Variants in KCNH7 observed in about 807,000 individuals in gnomAD.
The protein encoded by KCNH7 is voltage-gated inwardly rectifying potassium channel KCNH7.
A neutral mutation model predicts 120.8 loss-of-function variants in KCNH7; 49 were observed. That is an observed-to-expected ratio of 0.41 (90% CI 0.32 to 0.51). KCNH7 has a LOEUF of 0.51. KCNH7 is among the 20% of genes least tolerant of loss of function. The pLI is 0.38. For synonymous variants in KCNH7, 547 were observed against 516.1 expected (o/e 1.06, Z -0.81); for missense variants, 1,097 against 1,446.6 (o/e 0.76, Z 3.92).
At chr2:162,745,352 C>G (rs535152669) in intron 2 of KCNH7, among the ~76,000 whole-genome samples, 1 of 152,154 alleles carries the variant, frequency 6.6e-6, no homozygotes, top group South Asian at 2.1e-4. Context: ...ATAACGGCAG[C>G]TTGACAAAAT....
chr2:162,476,899 A>G lies in KCNH7; in HGVS notation c.1128+27544T>C, dbSNP rs150993430. Among the ~76,000 whole-genome samples the G allele has an allele frequency of 6.9e-3, 1,044 of 152,326 alleles. 15 individuals carry two copies. The highest frequency in any genetic ancestry group is 0.024 in the African/African-American group (1,002 of 41,574). On this transcript the variant is annotated intron_variant, in intron 6 of 15. Transcript: ENST00000332142. ...GCACATTATTAAGTCTCATATTTGC[A>G]ATACAAGCTTTTATATAATAACAAT...
At chr2:162,754,492 A>T (rs1357622916) in intron 2 of KCNH7, among the ~76,000 whole-genome samples, 1 of 152,180 alleles carries the variant, frequency 6.6e-6, no homozygotes, top group Non-Finnish European at 1.5e-5. Flanking sequence ...AGTTTTCAAC[A>T]GGAAGAGAGA....
chr2:162,454,040 C>T (rs1688871367), intron 6 of KCNH7, among the ~76,000 whole-genome samples: 1 of 152,104 alleles, frequency 6.6e-6, no homozygotes, highest in African/African-American at 2.4e-5. Context: ...AAGCCTATGT[C>T]CTAAATGGTA....
intron 2 of KCNH7, among the ~76,000 whole-genome samples, chr2:162,815,825 A>T (rs986389126): frequency 2.0e-5 from 3 of 152,242 alleles, no homozygotes; most frequent in Non-Finnish European, 4.4e-5. Flanking sequence ...GTCTTCCAAC[A>T]AAGTTCTGAC....
At chr2:162,770,096 T>C (rs1682987742) in intron 2 of KCNH7, among the ~76,000 whole-genome samples, 1 of 152,030 alleles carries the variant, frequency 6.6e-6, no homozygotes, top group Non-Finnish European at 1.5e-5. Flanking sequence ...ACTGCAGCTA[T>C]TCACAGATGC....
intron 7 of KCNH7, among the ~76,000 whole-genome samples, chr2:162,441,858 G>C (rs922616083): frequency 3.3e-5 from 5 of 151,950 alleles, no homozygotes; most frequent in African/African-American, 1.2e-4. Flanking sequence ...ATTATCATCA[G>C]GGAGATATTA....
rs561729723 is a variant in KCNH7, at chr2:162,812,523, T to C, written c.307+24014A>G. Among the ~76,000 whole-genome samples, 15 of 152,114 alleles carry C rather than the reference T, an allele frequency of 9.9e-5. 1 individual carries two copies. In the South Asian group the frequency reaches 3.1e-3, roughly 32 times the overall value. On this transcript the variant is annotated intron_variant, in intron 2 of 15. Transcript: ENST00000332142. ...GGCAAGGAATAAATTAGAAAGGACATGAAGCCCCTGATCCTATATGCCAAG... is the reference window on the plus strand; with the variant it reads ...GGCAAGGAATAAATTAGAAAGGACACGAAGCCCCTGATCCTATATGCCAAG...
intron 2 of KCNH7, among the ~76,000 whole-genome samples, chr2:162,644,132 G>A (rs932527916): frequency 1.3e-5 from 2 of 151,938 alleles, no homozygotes; most frequent in African/African-American, 2.4e-5. Flanking sequence ...AGTCCTTTGG[G>A]CAAATTCAGA....
intron 2 of KCNH7, among the ~76,000 whole-genome samples, chr2:162,669,308 T>G (rs1258100982): frequency 1.3e-5 from 2 of 152,138 alleles, no homozygotes; most frequent in East Asian, 3.9e-4. Flanking sequence ...ATGATGTAAC[T>G]TAGATACATC....
At chr2:162,791,150 T>C (rs1370846056) in intron 2 of KCNH7, among the ~76,000 whole-genome samples, 1 of 152,094 alleles carries the variant, frequency 6.6e-6, no homozygotes, top group East Asian at 1.9e-4. Flanking sequence ...CAAAAATCAG[T>C]TGCATTTCAA....
At chr2:162,607,630 T>C (rs1042071101) in intron 2 of KCNH7, among the ~76,000 whole-genome samples, 8 of 152,154 alleles carry the variant, frequency 5.3e-5, no homozygotes, top group Non-Finnish European at 1.2e-4. Flanking sequence ...TACCTAGTGT[T>C]TCATTTGTAT....
intron 2 of KCNH7, among the ~76,000 whole-genome samples, chr2:162,756,512 G>A (rs1688794352): frequency 6.6e-6 from 1 of 152,064 alleles, no homozygotes; most frequent in African/African-American, 2.4e-5. Flanking sequence ...TGTCACCCAG[G>A]TTGCAGTGCA....
At chr2:162,784,654 T>G (rs1683634166) in intron 2 of KCNH7, 1 of 152,116 alleles carries the variant, frequency 6.6e-6, no homozygotes, top group Non-Finnish European at 1.5e-5. Flanking sequence ...CCTGCAAACT[T>G]GGCAAATTTG....
At chr2:162,458,787 G>A (rs1029248707) in intron 6 of KCNH7, among the ~76,000 whole-genome samples, 10 of 152,006 alleles carry the variant, frequency 6.6e-5, no homozygotes, top group East Asian at 1.9e-4. Context: ...GGACGTCTTC[G>A]GCAGGCAGTT....
chr2:162,416,694 A>G (rs1181737639), intron 9 of KCNH7, among the ~76,000 whole-genome samples: 2 of 152,144 alleles, frequency 1.3e-5, no homozygotes, highest in African/African-American at 2.4e-5. Context: ...GAATGACAGC[A>G]TATATGGAAA....
chr2:162,449,003 A>G (rs935695566), intron 6 of KCNH7, among the ~76,000 whole-genome samples: 1 of 152,008 alleles, frequency 6.6e-6, no homozygotes, highest in Non-Finnish European at 1.5e-5. Context: ...AGAAAAGGAC[A>G]CAGCTAAGGG....
intron 5 of KCNH7, 97 bp downstream of exon 5, chr2:162,512,557 G>T: frequency 1.0e-6 from 1 of 990,746 alleles, no homozygotes; most frequent in Non-Finnish European, 1.6e-6. Context: ...GCAGCATGAA[G>T]ATGTTGCACT....
intron 2 of KCNH7, among the ~76,000 whole-genome samples, chr2:162,725,282 T>G (rs1041339426): frequency 2.0e-5 from 3 of 151,982 alleles, no homozygotes; most frequent in Admixed American, 2.0e-4. Flanking sequence ...AGTATCACAT[T>G]GATAAAAAAG....
chr2:162,676,963 T>A (rs1045221304), intron 2 of KCNH7, among the ~76,000 whole-genome samples: 1 of 151,544 alleles, frequency 6.6e-6, no homozygotes, highest in African/African-American at 2.4e-5. Flanking sequence ...AATGATTTTT[T>A]AAGGAATTAG....
Sources: allele counts gnomAD v4.1 joint callset (sites outside exome capture counted in the v4.1 genomes callset), GRCh38; gene constraint gnomAD v4.1.1; transcripts MANE v1.5; gene names NCBI Gene and HGNC (gene_info 2026-07-23, HGNC 2026-07-21).